Variants in SIDT1 observed in about 807,000 individuals in gnomAD.
The protein encoded by SIDT1 is SID1 transmembrane family, member 1.
In SIDT1, 101 loss-of-function variants were observed where a neutral mutation model predicts 107.5. The observed-to-expected ratio is 0.94, with a 90% CI of 0.80 to 1.11. The LOEUF is 1.11. SIDT1 is among the 50% of genes least tolerant of loss of function. The pLI is 0.00. For missense variants in SIDT1, 1,076 were observed against 1,058.2 expected, an observed-to-expected ratio of 1.02 and a Z score of -0.23; for synonymous variants, 395 against 398.2, an observed-to-expected ratio of 0.99 and a Z score of 0.10.
intron 1 of SIDT1, among the ~76,000 whole-genome samples, chr3:113,550,000 T>G (rs1940034874): frequency 6.6e-6 from 1 of 152,188 alleles, no homozygotes; most frequent in African/African-American, 2.4e-5. Flanking sequence ...TGAAAATATC[T>G]CCCTATATTT....
At chr3:113,633,701 G>C (rs113841889), downstream of SIDT1, among the ~76,000 whole-genome samples, 24 of 152,356 alleles carry the variant, frequency 1.6e-4, 1 homozygote, top group African/African-American at 5.8e-4. Context: ...GCATTGGGTA[G>C]TAGTGTTGAT....
chr3:113,556,945 G>A (rs1001929982), intron 1 of SIDT1, among the ~76,000 whole-genome samples: 3 of 149,036 alleles, frequency 2.0e-5, no homozygotes, highest in Non-Finnish European at 3.0e-5. Flanking sequence ...TCAGCCTTCC[G>A]AGTAGCTGGG....
Position 113,619,386 on chromosome 3 carries a change from A to C in SIDT1, c.2044-294A>C, listed in dbSNP as rs530575355. On this transcript the variant is annotated intron_variant, in intron 20 of 24. Transcript: ENST00000264852. ...ACACATACCACCAGCCTCTCCACTG[A>C]GAAATGGGCCCATGGGCCCAGCTCC... Among the ~76,000 whole-genome samples, 4 of 152,348 alleles carry C rather than the reference A, an allele frequency of 2.6e-5. No homozygotes were observed. In the East Asian group the frequency reaches 7.7e-4, roughly 29 times the overall value.
downstream of SIDT1, among the ~76,000 whole-genome samples, chr3:113,631,541 A>C (rs1392585668): frequency 6.6e-6 from 1 of 152,158 alleles, no homozygotes; most frequent in Non-Finnish European, 1.5e-5. Context: ...AGGAGACAAG[A>C]TATATTTATG....
At chr3:113,597,138 A>AT (rs1291804677) in intron 10 of SIDT1, among the ~76,000 whole-genome samples, 6 of 152,160 alleles carry the variant, frequency 3.9e-5, no homozygotes, top group Admixed American at 2.0e-4. Context: ...GGTTTTCTTC[A>AT]TTTTTTCTTC....
intron 3 of SIDT1, among the ~76,000 whole-genome samples, chr3:113,575,517 G>A (rs1942830817): frequency 6.6e-6 from 1 of 152,160 alleles, no homozygotes; most frequent in South Asian, 2.1e-4. Flanking sequence ...GCTTCTTTAG[G>A]CGACTTAAGG....
chr3:113,608,846 T>C (rs1033282611), intron 17 of SIDT1, among the ~76,000 whole-genome samples: 10 of 152,214 alleles, frequency 6.6e-5, no homozygotes, highest in African/African-American at 2.4e-4. Context: ...GTACCCAGCC[T>C]GTATGTTGGT....
At chr3:113,609,432 C>G (rs964919029) in intron 17 of SIDT1, among the ~76,000 whole-genome samples, 1 of 152,088 alleles carries the variant, frequency 6.6e-6, no homozygotes. Context: ...CTTCACCAAT[C>G]AGCAAAAAAG....
At chr3:113,616,078 C>T (rs766990976) in intron 19 of SIDT1, 22 bp from the exon 20 acceptor site, 2 of 1,576,742 alleles carry the variant, frequency 1.3e-6, no homozygotes, top group Non-Finnish European at 1.7e-6. Context: ...GCCTTCTCAC[C>T]ATGCATTTGT....
downstream of SIDT1, among the ~76,000 whole-genome samples, chr3:113,631,765 C>T (rs896291685): frequency 2.4e-4 from 36 of 152,258 alleles, no homozygotes; most frequent in African/African-American, 7.7e-4. Context: ...AACTCCAAGG[C>T]GGGGCCTGTT....
intron 15 of SIDT1, among the ~76,000 whole-genome samples, chr3:113,607,612 T>A (rs546073104): frequency 7.2e-5 from 11 of 152,250 alleles, no homozygotes; most frequent in Admixed American, 2.0e-4. Flanking sequence ...GAGTTGGGAG[T>A]CTAGCCTCTT....
At chr3:113,584,544 G>C (rs1330607495) in intron 7 of SIDT1, 154 bp from the exon 8 acceptor site, 1 of 588,670 alleles carries the variant, frequency 1.7e-6, no homozygotes, top group Non-Finnish European at 2.9e-6. Flanking sequence ...TTGAAGGTTT[G>C]GGGGTTACAT....
chr3:113,614,984 C>T (rs1576966067), intron 19 of SIDT1: 2 of 1,427,742 alleles, frequency 1.4e-6, no homozygotes, highest in African/African-American at 1.4e-5. Flanking sequence ...ATAAAATGAC[C>T]AGTAGTTTAC....
At chr3:113,577,073 T>A (rs753693426) in intron 4 of SIDT1, 106 bp downstream of exon 4, 32 of 1,053,346 alleles carry the variant, frequency 3.0e-5, no homozygotes, top group Non-Finnish European at 4.3e-5. Context: ...GTGTTGCCCT[T>A]GACCTTTCAC....
intron 9 of SIDT1, among the ~76,000 whole-genome samples, chr3:113,587,893 C>T (rs1256900754): frequency 6.6e-6 from 1 of 152,140 alleles, no homozygotes; most frequent in East Asian, 1.9e-4. Flanking sequence ...GAATGCCAGA[C>T]CAAAAGCCTG....
chr3:113,604,854 A>ACTGTT, intron 13 of SIDT1, 56 bp from the exon 14 acceptor site: 2 of 1,592,680 alleles, frequency 1.3e-6, no homozygotes, highest in Non-Finnish European at 1.7e-6. Flanking sequence ...AATATTAACC[A>ACTGTT]AAGACTCCAC....
In SIDT1 at chr3:113,583,855, C is replaced by T. The variant is rs59848630; in HGVS notation, c.835+359C>T. Among the ~76,000 whole-genome samples, 1,331 of 152,262 alleles carry T rather than the reference C, an allele frequency of 8.7e-3. 15 individuals carry two copies. Among genetic ancestry groups the T allele is most frequent in the African/African-American group, 0.03 (1,265 of 41,538 alleles). On this transcript the variant is annotated intron_variant, in intron 7 of 24. Transcript: ENST00000264852. ...TCCATTTCTTAAGATGGGGTGGTAA[C>T]CAGTAGCCATGGAGCTACTTAATTT...
chr3:113,538,879 T>C (rs60084962), intron 1 of SIDT1, among the ~76,000 whole-genome samples: 25 of 152,370 alleles, frequency 1.6e-4, no homozygotes, highest in African/African-American at 5.8e-4. Context: ...TCAAAGGTGG[T>C]ATGGTATATT....
At chr3:113,585,754 T>C (rs1200205344) in intron 9 of SIDT1, among the ~76,000 whole-genome samples, 1 of 152,174 alleles carries the variant, frequency 6.6e-6, no homozygotes, top group Non-Finnish European at 1.5e-5. Flanking sequence ...ACCAAGTGTT[T>C]TCCTTCTGTT....
Sources: gnomAD v4.1 joint callset for allele counts (sites outside exome capture counted in the v4.1 genomes callset) on GRCh38, gnomAD v4.1.1 for gene constraint, MANE v1.5 for transcripts, NCBI Gene and HGNC (gene_info 2026-07-23, HGNC 2026-07-21) for gene names.